The following KIAA0319 variants were observed in gnomAD, a reference collection of about 807,000 sequenced individuals.
The protein encoded by KIAA0319 is dyslexia-associated protein KIAA0319.
A neutral mutation model predicts 108.4 loss-of-function variants in KIAA0319; 83 were observed. The ratio of observed to expected loss-of-function variants is 0.77; its 90% CI spans 0.64 to 0.92. KIAA0319 has a LOEUF of 0.92. Ranked by LOEUF, KIAA0319 falls within the 40% of genes least tolerant of loss-of-function variation. The pLI, the probability that KIAA0319 is intolerant of heterozygous loss-of-function variation, is 0.00. For missense variants in KIAA0319, 1,195 were observed against 1,322.4 expected, an observed-to-expected ratio of 0.90 and a Z score of 1.49; for synonymous variants, 484 against 510.4, an observed-to-expected ratio of 0.95 and a Z score of 0.70.
chr6:24,566,270 G>C (rs1157983600), intron 14 of KIAA0319, among the ~76,000 whole-genome samples: 1 of 152,174 alleles, frequency 6.6e-6, no homozygotes, highest in East Asian at 1.9e-4. Context: ...GAGGTCATAA[G>C]GGTAGGCCCC....
At chr6:24,588,184 A>G (rs1767859195) in intron 4 of KIAA0319, among the ~76,000 whole-genome samples, 1 of 152,240 alleles carries the variant, frequency 6.6e-6, no homozygotes, top group Admixed American at 6.5e-5. Flanking sequence ...AAATACAATG[A>G]TCACGATTGT....
Position 24,599,510 on chromosome 6 carries a change from C to T in KIAA0319, c.55+1539G>A, listed in dbSNP as rs1183853114. 4 of 566,812 alleles carry T rather than the reference C, an allele frequency of 7.1e-6. No individual in the cohort carries two copies. Among genetic ancestry groups the T allele is most frequent in the African/African-American group, 3.7e-5 (2 of 53,378 alleles). 35.1% of individuals were successfully genotyped at this position (566,812 alleles called of 1,614,324 possible). On this transcript the variant is annotated intron_variant, in intron 2 of 20. Coordinates refer to ENST00000378214, the MANE Select transcript of KIAA0319 (RefSeq NM_014809.4). The surrounding 1 kb of genome is among the most constrained non-coding windows in gnomAD (Gnocchi z 4.1). ...TGATCATCAAGCCAACCCTGGACAT[C>T]GAGATTGTCACCTACAGGAAGGTGC...
intron 10 of KIAA0319, among the ~76,000 whole-genome samples, chr6:24,573,223 A>T (rs1472341905): frequency 6.6e-6 from 1 of 152,226 alleles, no homozygotes; most frequent in Non-Finnish European, 1.5e-5. Context: ...CAGTATGAAA[A>T]CAGCTATTAA....
intron 1 of KIAA0319, among the ~76,000 whole-genome samples, chr6:24,629,433 T>C (rs1002513825): frequency 7.0e-6 from 1 of 143,364 alleles, no homozygotes; most frequent in African/African-American, 2.6e-5. Context: ...GAGAATGGCA[T>C]GAACCCGGGA....
intron 1 of KIAA0319, among the ~76,000 whole-genome samples, chr6:24,632,083 C>T (rs1425687302): frequency 6.6e-6 from 1 of 152,146 alleles, no homozygotes; most frequent in African/African-American, 2.4e-5. Context: ...AACTTTCAGG[C>T]ATTAAGTAAA....
chr6:24,582,459 A>C, intron 5 of KIAA0319, 113 bp from the exon 6 acceptor site: 1 of 491,208 alleles, frequency 2.0e-6, no homozygotes, highest in Non-Finnish European at 3.7e-6. Context: ...CCTTAGATAT[A>C]CTCAACTCAG....
Position 24,599,114 on chromosome 6 carries a change from G to A in KIAA0319, c.55+1935C>T. On this transcript the variant is annotated intron_variant, in intron 2 of 20. Transcript: ENST00000378214. This position sits in a 1 kb window ranked among gnomAD's most constrained non-coding sequence, Gnocchi z 4.1. ...TGTCCATGGACAACAGCTGGTCCCT[G>A]GACATGGACAGCATCATTGCTGAGG... 1 of 675,340 alleles carries A rather than the reference G, an allele frequency of 1.5e-6. No individual in the cohort carries two copies. The allele number at this position is 675,340 out of a possible 1,614,324, so 41.8% of individuals were successfully genotyped here.
intron 1 of KIAA0319, among the ~76,000 whole-genome samples, chr6:24,612,750 T>A (rs190828028): frequency 1.3e-5 from 2 of 152,162 alleles, no homozygotes; most frequent in East Asian, 1.9e-4. Flanking sequence ...TCACAAAAAA[T>A]TTTTAACATC....
Position 24,601,092 on chromosome 6 carries a change from G to T in KIAA0319, c.12C>A (p.Pro4=), listed in dbSNP as rs376133611. 73 of 1,613,956 alleles carry T rather than the reference G, an allele frequency of 4.5e-5. No individual in the cohort carries two copies. The highest frequency in any genetic ancestry group is 5.9e-5 in the Non-Finnish European group (70 of 1,180,008). MAP[P]TGVLSSLLLL... is the part of the protein sequence containing the mutation. ...GCAGCAATGAAGAGAGCACACCTGTGGGGGGCGCCATTGTGCACCACACAG... is the reference window on the plus strand; with the variant it reads ...GCAGCAATGAAGAGAGCACACCTGTTGGGGGCGCCATTGTGCACCACACAG... The change falls in exon 2 of 21, where the codon CCC becomes CCA. Residue 4 remains proline (P), a synonymous_variant. Coordinates refer to ENST00000378214, the MANE Select transcript of KIAA0319 (RefSeq NM_014809.4).
rs1160745367 is a variant in KIAA0319 at position 24,559,034 on chromosome 6, C to T, written c.2713G>A (p.Val905Ile). The T allele has an allele frequency of 6.2e-7, 1 of 1,612,298 alleles. No homozygotes were observed. The highest frequency in any genetic ancestry group is 8.5e-7 in the Non-Finnish European group (1 of 1,179,374). The change falls in exon 17 of 21, where the codon GTC becomes ATC. Residue 905 changes from valine to isoleucine, a missense_variant. Transcript: ENST00000378214. The part of the protein sequence containing the change: ...KEKADFLLFK[V>I]LRVDTAGCLL... ...CTACCTGCTGTATCAACCCTCAAGA[C>T]CTTGAAAAGCAAGAAGTCAGCCTTC...
At chr6:24,553,280 T>G (rs1561912697) in intron 19 of KIAA0319, among the ~76,000 whole-genome samples, 3 of 78,888 alleles carry the variant, frequency 3.8e-5, no homozygotes, top group East Asian at 2.4e-4. Flanking sequence ...GATAGATATA[T>G]ATATATATAT....
chr6:24,541,015 A>G (rs953524122), downstream of KIAA0319, among the ~76,000 whole-genome samples: 1 of 152,218 alleles, frequency 6.6e-6, no homozygotes, highest in African/African-American at 2.4e-5. Flanking sequence ...CAGCACCTGA[A>G]TCAAGATACA....
intron 1 of KIAA0319, among the ~76,000 whole-genome samples, chr6:24,631,209 C>T (rs770628499): frequency 2.6e-5 from 4 of 152,230 alleles, no homozygotes; most frequent in Non-Finnish European, 5.9e-5. Context: ...TTCCTCTTTC[C>T]TTGCCGTATC....
chr6:24,572,631 A>G lies in KIAA0319; in HGVS notation c.1802T>C (p.Val601Ala). The G allele has an allele frequency of 6.2e-7, 1 of 1,614,072 alleles. No individual in the cohort carries two copies. The highest frequency in any genetic ancestry group is 8.5e-7 in the Non-Finnish European group (1 of 1,179,974). Residue 601 changes from valine (V) to alanine (A), a missense_variant, in exon 11 of 21, where the codon GTG becomes GCG. Transcript: ENST00000378214. ...QEGDYTFQLK[V>A]TDSSRQQSTA... The stretch of plus-strand genomic sequence containing the variant: ...AGACTGTTGCCTTGAAGAATCTGTC[A>G]CCTTCAGCTGAAATGTATAATCTCC...
At chr6:24,548,478 G>C (rs1283862899) in intron 20 of KIAA0319, among the ~76,000 whole-genome samples, 1 of 152,134 alleles carries the variant, frequency 6.6e-6, no homozygotes, top group African/African-American at 2.4e-5. Flanking sequence ...ACATTACTTA[G>C]GGAGAATCAG....
chr6:24,576,262 C>A, intron 10 of KIAA0319, 106 bp downstream of exon 10: 1 of 882,342 alleles, frequency 1.1e-6, no homozygotes, highest in Non-Finnish European at 1.8e-6. Flanking sequence ...GATAACTTTA[C>A]AAAATAAATT....
intron 16 of KIAA0319, among the ~76,000 whole-genome samples, chr6:24,563,068 T>C (rs1763315667): frequency 6.6e-6 from 1 of 152,120 alleles, no homozygotes; most frequent in Non-Finnish European, 1.5e-5. Context: ...CCAGACCCCT[T>C]GCCCAGCTCT....
At chr6:24,623,018 A>G (rs1774184882) in intron 1 of KIAA0319, among the ~76,000 whole-genome samples, 1 of 152,086 alleles carries the variant, frequency 6.6e-6, no homozygotes, top group Non-Finnish European at 1.5e-5. Flanking sequence ...TAGCCTGGGC[A>G]ACAGAGTGAG....
At chr6:24,558,133 T>C (rs531759915) in intron 17 of KIAA0319, among the ~76,000 whole-genome samples, 117 of 152,144 alleles carry the variant, frequency 7.7e-4, no homozygotes, top group Middle Eastern at 3.4e-3. Context: ...AAAGGAGTTA[T>C]TGGCTGGGCG....
Sources: gnomAD v4.1 joint callset for allele counts (sites outside exome capture counted in the v4.1 genomes callset) on GRCh38, gnomAD v4.1.1 for gene constraint, Gnocchi (gnomAD v3.1) non-coding constraint, MANE v1.5 for transcripts, NCBI Gene and HGNC (gene_info 2026-07-23, HGNC 2026-07-21) for gene names.